Variants in RASGEF1C observed in about 807,000 individuals in gnomAD.
The protein encoded by RASGEF1C is ras-GEF domain-containing family member 1C.
In RASGEF1C, 27 loss-of-function variants were observed where a neutral mutation model predicts 58.1. That is an observed-to-expected ratio of 0.46 (90% CI 0.34 to 0.64). The LOEUF (loss-of-function observed/expected upper bound fraction) is 0.64, where lower values mean the gene tolerates loss of function less well. Among genes scored for constraint, RASGEF1C ranks in the 30% least tolerant of loss-of-function variants. The pLI, the probability that RASGEF1C is intolerant of heterozygous loss-of-function variation, is 0.01. For synonymous variants in RASGEF1C, 243 were observed against 246.3 expected, an observed-to-expected ratio of 0.99 and a Z score of 0.13; for missense variants, 502 against 605.1, an observed-to-expected ratio of 0.83 and a Z score of 1.79.
intron 1 of RASGEF1C, among the ~76,000 whole-genome samples, chr5:180,206,081 G>A (rs1292224337): frequency 6.6e-6 from 1 of 152,026 alleles, no homozygotes; most frequent in Non-Finnish European, 1.5e-5. Flanking sequence ...TCTTTCACCA[G>A]TATGTGAACA....
intron 6 of RASGEF1C, among the ~76,000 whole-genome samples, chr5:180,125,945 C>G (rs550844397): frequency 3.9e-5 from 6 of 152,200 alleles, no homozygotes; most frequent in African/African-American, 1.4e-4. Flanking sequence ...CTCGTGTATA[C>G]CAGCGGGTGT....
In RASGEF1C at chr5:180,101,414, C is replaced by T; in HGVS notation, c.*87G>A. 1.3e-6 allele frequency: 2 copies of T among 1,536,338 alleles called. No individual in the cohort carries two copies. The highest frequency in any genetic ancestry group is 8.9e-7 in the Non-Finnish European group (1 of 1,125,150). On this transcript the variant is annotated 3_prime_UTR_variant, in exon 14 of 14. Coordinates refer to ENST00000361132, the MANE Select transcript of RASGEF1C (RefSeq NM_175062.4). ...CATTTGCAAAATAGTGAGGCACTCC[C>T]TGGCCTCTGCCCACTGGGCCACTGA...
At chr5:180,178,291 T>C (rs1234397725) in intron 1 of RASGEF1C, among the ~76,000 whole-genome samples, 24 of 138,606 alleles carry the variant, frequency 1.7e-4, no homozygotes, top group African/African-American at 5.2e-4. Context: ...TTTTTTTTTT[T>C]TTTTTTTGAG....
chr5:180,118,882 G>C lies in RASGEF1C; in HGVS notation c.908-16C>G. ...TTCATGCCGGCTGGAAGAGGGAGGA[G>C]GGTTGGAGAGGGCTGCTCCTGGGAC... On this transcript the variant is annotated splice_polypyrimidine_tract_variant and intron_variant, in intron 8 of 13. Transcript: ENST00000361132. 6.2e-7 allele frequency: 1 copy of C among 1,612,830 alleles called. No individual in the cohort carries two copies. Among genetic ancestry groups the C allele is most frequent in the Non-Finnish European group, 8.5e-7 (1 of 1,178,854 alleles).
chr5:180,206,084 T>G (rs1234853720), intron 1 of RASGEF1C, among the ~76,000 whole-genome samples: 2 of 152,094 alleles, frequency 1.3e-5, no homozygotes, highest in African/African-American at 4.8e-5. Context: ...TTCACCAGTA[T>G]GTGAACAGAT....
At chr5:180,154,072 C>T (rs1184457287) in intron 1 of RASGEF1C, among the ~76,000 whole-genome samples, 1 of 152,180 alleles carries the variant, frequency 6.6e-6, no homozygotes, top group Non-Finnish European at 1.5e-5. Context: ...TCAGAGTCCA[C>T]GATTCTGTTC....
chr5:180,121,674 CACACA>C (rs1314646075), intron 6 of RASGEF1C, among the ~76,000 whole-genome samples: 110 of 52,482 alleles, frequency 2.1e-3, no homozygotes, highest in African/African-American at 2.3e-3. Flanking sequence ...CACACACACA[CACACA>C]CACCCTCATT....
At chr5:180,164,435 G>C (rs1057163370) in intron 1 of RASGEF1C, among the ~76,000 whole-genome samples, 1 of 152,086 alleles carries the variant, frequency 6.6e-6, no homozygotes. Flanking sequence ...GTGATGTTTT[G>C]ATATAAATTA....
At chr5:180,103,238 C>T (rs1164740219) in intron 12 of RASGEF1C, among the ~76,000 whole-genome samples, 4 of 152,162 alleles carry the variant, frequency 2.6e-5, no homozygotes, top group African/African-American at 4.8e-5. Context: ...CCACCACGCC[C>T]GGCTAATGTT....
At chr5:180,114,309 C>T (rs1356443511) in intron 11 of RASGEF1C, 137 bp downstream of exon 11, 2 of 713,834 alleles carry the variant, frequency 2.8e-6, no homozygotes, top group Non-Finnish European at 4.6e-6. Flanking sequence ...CCCTGATAAC[C>T]TTGCCAAGGT....
intron 1 of RASGEF1C, among the ~76,000 whole-genome samples, chr5:180,196,112 C>G (rs1192650825): frequency 6.6e-6 from 1 of 152,152 alleles, no homozygotes; most frequent in African/African-American, 2.4e-5. Flanking sequence ...TCTTCCTTGA[C>G]TATTCAATAG....
intron 6 of RASGEF1C, among the ~76,000 whole-genome samples, 167 bp downstream of exon 6, chr5:180,127,442 C>T (rs1298225667): frequency 6.6e-6 from 1 of 152,226 alleles, no homozygotes. Context: ...TGTCGTGGTG[C>T]GCCCCCGAGC....
intron 10 of RASGEF1C, among the ~76,000 whole-genome samples, chr5:180,116,867 C>T (rs934149268): frequency 2.0e-5 from 3 of 152,252 alleles, no homozygotes; most frequent in Admixed American, 6.5e-5. Context: ...GTGCAGACCA[C>T]GAGCTTCAGA....
At chr5:180,118,487 G>A (rs1214856823) in intron 10 of RASGEF1C, 122 bp downstream of exon 10, 4 of 916,974 alleles carry the variant, frequency 4.4e-6, no homozygotes, top group South Asian at 1.7e-5. Flanking sequence ...AGGCACGCAA[G>A]CAAGGAGACC....
intron 8 of RASGEF1C, 60 bp from the exon 9 acceptor site, chr5:180,118,926 C>T: frequency 1.3e-6 from 2 of 1,490,644 alleles, no homozygotes; most frequent in African/African-American, 1.4e-5. Flanking sequence ...CTCTGCGTAG[C>T]TGCACCCCCT....
intron 12 of RASGEF1C, among the ~76,000 whole-genome samples, chr5:180,103,290 G>A (rs931039207): frequency 2.0e-5 from 3 of 152,134 alleles, no homozygotes; most frequent in Admixed American, 1.3e-4. Flanking sequence ...TGTTAGCCAG[G>A]ATGGTCTCGA....
rs768608170 is a variant in RASGEF1C, at chr5:180,137,626, G to A, written c.264C>T (p.Ile88=). The A allele has an allele frequency of 1.1e-5, 18 of 1,611,310 alleles. No individual in the cohort carries two copies. The highest frequency in any genetic ancestry group is 6.7e-5 in the East Asian group (3 of 44,798). ...ELLARVCHLC[I]EQQQLDKPVL... is the part of the protein sequence containing the mutation. ...CCGGCTTGTCCAGCTGCTGCTGCTC[G>A]ATGCACAGGTGGCAGACCCGGGCCA... is the stretch of plus-strand genomic sequence containing the variant. Residue 88 remains isoleucine (I), a synonymous_variant, in exon 3 of 14, where the codon ATC becomes ATT. Coordinates refer to ENST00000361132, the MANE Select transcript of RASGEF1C (RefSeq NM_175062.4). The surrounding 1 kb of genome is among the most constrained non-coding windows in gnomAD (Gnocchi z 4.1).
At chr5:180,139,793 G>A (rs1432975673) in intron 1 of RASGEF1C, among the ~76,000 whole-genome samples, 14 of 152,226 alleles carry the variant, frequency 9.2e-5, no homozygotes, top group Admixed American at 9.2e-4. Flanking sequence ...CAGGGTGCAC[G>A]CTGCTCTGCC....
chr5:180,160,667 G>GA (rs146205934), intron 1 of RASGEF1C, among the ~76,000 whole-genome samples: 52,888 of 151,934 alleles, frequency 0.35, 10,825 homozygotes, highest in Non-Finnish European at 0.47. Flanking sequence ...TTTTAAAGCT[G>GA]AAAAATACAA....
Sources: gnomAD v4.1 joint callset for allele counts (sites outside exome capture counted in the v4.1 genomes callset) on GRCh38, gnomAD v4.1.1 for gene constraint, Gnocchi (gnomAD v3.1) non-coding constraint, MANE v1.5 for transcripts, NCBI Gene and HGNC (gene_info 2026-07-23, HGNC 2026-07-21) for gene names.